Variants in PCDHGB7 observed in about 807,000 individuals in gnomAD.
PCDHGB7 encodes the protein protocadherin gamma subfamily B, 7.
PCDHGB7 carries 37 observed loss-of-function variants against 61.4 expected under a neutral mutation model. That is an observed-to-expected ratio of 0.60 (90% CI 0.46 to 0.79). The LOEUF is 0.79. PCDHGB7 is among the 30% of genes least tolerant of loss of function. PCDHGB7 has a pLI of 0.00. For synonymous variants in PCDHGB7, 464 were observed against 503.5 expected (o/e 0.92, Z 1.05); for missense variants, 1,166 against 1,202.5 (o/e 0.97, Z 0.45).
intron 2 of PCDHGB7, among the ~76,000 whole-genome samples, chr5:141,503,851 A>C (rs1484022055): frequency 6.6e-6 from 1 of 152,116 alleles, no homozygotes; most frequent in Non-Finnish European, 1.5e-5. Context: ...CCTTGGAAAA[A>C]TTGTAAAGCA....
Position 141,419,192 on chromosome 5 carries a change from G to A in PCDHGB7, c.1333G>A (p.Val445Ile), listed in dbSNP as rs772847766. 65 of 1,613,816 alleles carry A rather than the reference G, an allele frequency of 4.0e-5. No individual in the cohort carries two copies. Among genetic ancestry groups the A allele is most frequent in the Middle Eastern group, 1.6e-4 (1 of 6,084 alleles). The change falls in exon 1 of 4, where the codon GTC becomes ATC. Residue 445 changes from valine (V) to isoleucine (I), a missense_variant. Transcript: ENST00000398594. ...AACCATAACCCTGCACATTACTGAC[G>A]TCAATGACAACGCGCCGGTTTTCGG... ...SKTITLHITDVNDNAPVFGQS... is the reference protein window; with the variant it reads ...SKTITLHITDINDNAPVFGQS...
At chr5:141,435,446 G>C (rs889481920) in intron 1 of PCDHGB7, among the ~76,000 whole-genome samples, 5 of 152,060 alleles carry the variant, frequency 3.3e-5, no homozygotes, top group African/African-American at 2.4e-5. Context: ...TCATTAATAC[G>C]ATATCTGTAT....
At chr5:141,478,862 C>A in intron 1 of PCDHGB7, 1 of 1,326,032 alleles carries the variant, frequency 7.5e-7, no homozygotes, top group Non-Finnish European at 1.0e-6. Context: ...AAGATCTCAG[C>A]GATCAGAGTT....
intron 1 of PCDHGB7, among the ~76,000 whole-genome samples, chr5:141,458,829 C>T (rs2098954599): frequency 6.6e-6 from 1 of 152,108 alleles, no homozygotes; most frequent in Non-Finnish European, 1.5e-5. Context: ...GCCTCCCAGG[C>T]TCAAGTGATC....
chr5:141,441,725 C>A, intron 1 of PCDHGB7: 1 of 352,450 alleles, frequency 2.8e-6, no homozygotes. Flanking sequence ...AGGCCCGCGA[C>A]CAGGACTAGC....
chr5:141,502,866 C>CTTTT (rs549047197), intron 2 of PCDHGB7, among the ~76,000 whole-genome samples: 3 of 128,028 alleles, frequency 2.3e-5, no homozygotes, highest in African/African-American at 6.2e-5. Flanking sequence ...GACTCTCTGT[C>CTTTT]TTTTTTTTTT....
At chr5:141,469,548 C>A (rs2099204726) in intron 1 of PCDHGB7, among the ~76,000 whole-genome samples, 1 of 152,212 alleles carries the variant, frequency 6.6e-6, no homozygotes, top group East Asian at 1.9e-4. Context: ...GCACTCCAGC[C>A]TGGCGACAGA....
rs143737031 is a variant in PCDHGB7 at position 141,454,359 on chromosome 5, G to C, written c.2415+34085G>C. Among the ~76,000 whole-genome samples, 105 of 152,200 alleles carry C rather than the reference G, an allele frequency of 6.9e-4. No individual in the cohort carries two copies. In the East Asian group the frequency reaches 0.014, roughly 20 times the overall value. ...AATGTTGGAAGTTGATCCAAACTTA[G>C]AAAGGAGTATGGCAACTTGTCAAGA... On this transcript the variant is annotated intron_variant, in intron 1 of 3. Coordinates refer to ENST00000398594, the MANE Select transcript of PCDHGB7 (RefSeq NM_018927.4).
intron 1 of PCDHGB7, among the ~76,000 whole-genome samples, chr5:141,456,946 G>A (rs182320066): frequency 2.3e-4 from 35 of 152,284 alleles, no homozygotes; most frequent in Admixed American, 2.3e-3. Context: ...CTGGGCAACA[G>A]AGCAAAACTC....
At chr5:141,423,659 A>T (rs369390148) in intron 1 of PCDHGB7, 133 of 1,551,038 alleles carry the variant, frequency 8.6e-5, no homozygotes, top group Non-Finnish European at 1.1e-4. Context: ...ACAAGTAATC[A>T]GGTGAGATTT....
chr5:141,419,331 T>G lies in PCDHGB7; in HGVS notation c.1472T>G (p.Leu491Arg), dbSNP rs2096361475. The change falls in exon 1 of 4, where the codon CTC becomes CGC. Residue 491 changes from leucine to arginine, a missense_variant. Leu to Arg is a moderately radical substitution (Grantham distance 102). Coordinates refer to ENST00000398594, the MANE Select transcript of PCDHGB7 (RefSeq NM_018927.4). ...FGLNGRVSYSLIASDLESRTL... is the reference protein window; with the variant it reads ...FGLNGRVSYSRIASDLESRTL... ...CTCAACGGCCGTGTCTCCTACTCTC[T>G]CATTGCCAGCGACCTGGAGTCACGA... is the stretch of plus-strand genomic sequence containing the variant. 2 of 1,613,840 alleles carry G rather than the reference T, an allele frequency of 1.2e-6. No homozygotes were observed. Among genetic ancestry groups the G allele is most frequent in the Non-Finnish European group, 8.5e-7 (1 of 1,179,924 alleles).
At chr5:141,444,918 C>T (rs1197922745) in intron 1 of PCDHGB7, among the ~76,000 whole-genome samples, 1 of 152,106 alleles carries the variant, frequency 6.6e-6, no homozygotes, top group Non-Finnish European at 1.5e-5. Flanking sequence ...ATACCTTTAT[C>T]AGGGAAAGAG....
At position 141,476,753 on chromosome 5, in the gene PCDHGB7, G is replaced by C; in HGVS notation, c.2416-18054G>C. On this transcript the variant is annotated intron_variant, in intron 1 of 3. Coordinates refer to ENST00000398594, the MANE Select transcript of PCDHGB7 (RefSeq NM_018927.4). This position sits in a 1 kb window ranked among gnomAD's most constrained non-coding sequence, Gnocchi z 7.6. Reference sequence around the variant, plus strand: ...AGAACGGGAGCCTAGTCTCCAGTTAGTGCTGACGGCGTTGGACGGAGGGAC... The same window carrying C: ...AGAACGGGAGCCTAGTCTCCAGTTACTGCTGACGGCGTTGGACGGAGGGAC... 3.1e-6 allele frequency: 5 copies of C among 1,614,012 alleles called. No individual in the cohort carries two copies. The highest frequency in any genetic ancestry group is 4.2e-6 in the Non-Finnish European group (5 of 1,180,030).
intron 1 of PCDHGB7, among the ~76,000 whole-genome samples, chr5:141,456,679 T>C (rs1357662868): frequency 2.0e-5 from 3 of 152,104 alleles, no homozygotes; most frequent in Non-Finnish European, 2.9e-5. Flanking sequence ...AAAAATGCAT[T>C]ACTGGCCAGG....
In PCDHGB7 at chr5:141,489,844, C is replaced by A; in HGVS notation, c.2416-4963C>A. 2 of 1,614,148 alleles carry A rather than the reference C, an allele frequency of 1.2e-6. No individual in the cohort carries two copies. Among genetic ancestry groups the A allele is most frequent in the Non-Finnish European group, 1.7e-6 (2 of 1,179,982 alleles). On this transcript the variant is annotated intron_variant, in intron 1 of 3. Coordinates refer to ENST00000398594, the MANE Select transcript of PCDHGB7 (RefSeq NM_018927.4). The surrounding 1 kb of genome is among the most constrained non-coding windows in gnomAD (Gnocchi z 4.5). Reference sequence around the variant, plus strand: ...GCTGGTGCTAGAGCAGCAGCTGGATCGTGAAGCCCAGGCAAGACATCAGCT... The same window carrying A: ...GCTGGTGCTAGAGCAGCAGCTGGATAGTGAAGCCCAGGCAAGACATCAGCT...
At chr5:141,441,730 A>ATGGT in intron 1 of PCDHGB7, 1 of 362,748 alleles carries the variant, frequency 2.8e-6, no homozygotes, top group South Asian at 2.2e-5. Flanking sequence ...CGCGACCAGG[A>ATGGT]CTAGCTCGCG....
intron 1 of PCDHGB7, among the ~76,000 whole-genome samples, chr5:141,469,671 A>G (rs1285283342): frequency 1.3e-5 from 2 of 152,236 alleles, no homozygotes; most frequent in Non-Finnish European, 2.9e-5. Flanking sequence ...TTCTAATAAA[A>G]CTACATATGC....
At chr5:141,492,312 C>T (rs1470136040) in intron 1 of PCDHGB7, among the ~76,000 whole-genome samples, 2 of 152,348 alleles carry the variant, frequency 1.3e-5, no homozygotes, top group African/African-American at 4.8e-5. Flanking sequence ...CGCACGCACT[C>T]CTCGCACGTG....
intron 1 of PCDHGB7, among the ~76,000 whole-genome samples, chr5:141,471,791 A>C (rs904614629): frequency 1.3e-5 from 2 of 152,238 alleles, no homozygotes; most frequent in Admixed American, 1.3e-4. Context: ...ATGCTATGTC[A>C]TATAAAAGAC....
Sources: allele counts gnomAD v4.1 joint callset (sites outside exome capture counted in the v4.1 genomes callset), GRCh38; gene constraint gnomAD v4.1.1; non-coding constraint Gnocchi (gnomAD v3.1); transcripts MANE v1.5; gene names NCBI Gene and HGNC (gene_info 2026-07-23, HGNC 2026-07-21).